Variants in DPP10 observed in about 807,000 individuals in gnomAD.
DPP10 encodes the protein inactive dipeptidyl peptidase 10.
A neutral mutation model predicts 120.9 loss-of-function variants in DPP10; 33 were observed. The observed-to-expected ratio is 0.27, with a 90% CI of 0.21 to 0.37. The LOEUF is 0.37. Ranked by LOEUF, DPP10 falls within the 10% of genes least tolerant of loss-of-function variation. The pLI, the probability that DPP10 is intolerant of heterozygous loss-of-function variation, is 1.00. For missense variants in DPP10, 816 were observed against 942.8 expected (o/e 0.87, Z 1.76); for synonymous variants, 337 against 326.1 (o/e 1.03, Z -0.36).
chr2:115,204,637 G>A (rs2055990840), intron 1 of DPP10, among the ~76,000 whole-genome samples: 1 of 152,088 alleles, frequency 6.6e-6, no homozygotes, highest in African/African-American at 2.4e-5. Flanking sequence ...TTTTGTTCCT[G>A]GCAGTAGTAA....
chr2:114,640,305 T>C (rs1220404375), intron 1 of DPP10, among the ~76,000 whole-genome samples: 1 of 151,906 alleles, frequency 6.6e-6, no homozygotes, highest in African/African-American at 2.4e-5. Context: ...GAGAAGGTCA[T>C]ACCCTATTTG....
chr2:114,724,177 A>G, intron 1 of DPP10, among the ~76,000 whole-genome samples: 1 of 152,224 alleles, frequency 6.6e-6, no homozygotes, highest in Non-Finnish European at 1.5e-5. Flanking sequence ...ATGTGACAAC[A>G]GTCACATCTT....
At chr2:114,662,318 G>T (rs1697477224) in intron 1 of DPP10, among the ~76,000 whole-genome samples, 8 of 152,198 alleles carry the variant, frequency 5.3e-5, no homozygotes, top group Admixed American at 5.2e-4. Flanking sequence ...CTCGGCACGC[G>T]GGCCTCCCTG....
chr2:114,483,267 G>A (rs1303071613), intron 1 of DPP10, among the ~76,000 whole-genome samples: 2 of 151,832 alleles, frequency 1.3e-5, no homozygotes, highest in Non-Finnish European at 2.9e-5. Flanking sequence ...TTGGCAACGG[G>A]GTGGAAGATC....
At chr2:114,812,296 T>A (rs988702382) in intron 1 of DPP10, among the ~76,000 whole-genome samples, 2 of 152,106 alleles carry the variant, frequency 1.3e-5, no homozygotes, top group African/African-American at 2.4e-5. Flanking sequence ...ACGGTGTGAA[T>A]CTTTTACTCA....
At chr2:114,806,443 T>C (rs986907003) in intron 1 of DPP10, among the ~76,000 whole-genome samples, 1 of 152,238 alleles carries the variant, frequency 6.6e-6, no homozygotes, top group Non-Finnish European at 1.5e-5. Flanking sequence ...TAAACCATTT[T>C]GATTTATTCT....
intron 1 of DPP10, among the ~76,000 whole-genome samples, chr2:114,573,864 G>A (rs1689844152): frequency 6.6e-6 from 1 of 152,218 alleles, no homozygotes; most frequent in Non-Finnish European, 1.5e-5. Context: ...GGAGTCTGCT[G>A]CAAAGGTTGC....
intron 1 of DPP10, among the ~76,000 whole-genome samples, chr2:114,694,842 A>ACTTAT: frequency 6.6e-6 from 1 of 152,016 alleles, no homozygotes; most frequent in Non-Finnish European, 1.5e-5. Flanking sequence ...TGAGCCAGGT[A>ACTTAT]AAAGGTGAAG....
At chr2:114,474,184 C>T (rs1435027158) in intron 1 of DPP10, among the ~76,000 whole-genome samples, 2 of 152,196 alleles carry the variant, frequency 1.3e-5, no homozygotes, top group African/African-American at 2.4e-5. Flanking sequence ...TCTCAAACTC[C>T]TTACCTAGTG....
At chr2:115,131,570 G>C (rs1238904941) in intron 1 of DPP10, among the ~76,000 whole-genome samples, 3 of 152,120 alleles carry the variant, frequency 2.0e-5, no homozygotes, top group Admixed American at 2.0e-4. Flanking sequence ...AGCAAAAAAA[G>C]AAAATATAGC....
At chr2:114,678,364 A>G (rs1473402104) in intron 1 of DPP10, among the ~76,000 whole-genome samples, 1 of 152,012 alleles carries the variant, frequency 6.6e-6, no homozygotes, top group African/African-American at 2.4e-5. Flanking sequence ...CTCTAACCCT[A>G]TATTTCCATA....
intron 1 of DPP10, among the ~76,000 whole-genome samples, chr2:115,239,825 T>G (rs2058184949): frequency 6.6e-6 from 1 of 152,144 alleles, no homozygotes; most frequent in Non-Finnish European, 1.5e-5. Flanking sequence ...ATTGTTCAAC[T>G]CCCACTAATG....
chr2:115,483,479 C>CTATATCTGTATG (rs3980957), intron 3 of DPP10, among the ~76,000 whole-genome samples: 34,029 of 143,948 alleles, frequency 0.24, 4,490 homozygotes, highest in Non-Finnish European at 0.3. Flanking sequence ...ATCTATCTAT[C>CTATATCTGTATG]TGTATGTGTA....
intron 1 of DPP10, among the ~76,000 whole-genome samples, chr2:115,237,941 G>A (rs2105539113): frequency 1.3e-5 from 2 of 152,300 alleles, no homozygotes; most frequent in Middle Eastern, 6.8e-3. Context: ...AGCAGCAAGT[G>A]CTGTTATAGA....
At chr2:114,934,684 TCCAG>T (rs1696326791) in intron 1 of DPP10, among the ~76,000 whole-genome samples, 1 of 151,930 alleles carries the variant, frequency 6.6e-6, no homozygotes, top group Admixed American at 6.6e-5. Flanking sequence ...CAACCCGCTC[TCCAG>T]GAACCAAGAC....
At chr2:115,357,773 A>T (rs1436022916) in intron 3 of DPP10, among the ~76,000 whole-genome samples, 5 of 152,134 alleles carry the variant, frequency 3.3e-5, no homozygotes, top group Non-Finnish European at 7.4e-5. Flanking sequence ...ACATCTAGGC[A>T]TTTCCATACA....
At chr2:115,279,813 C>T (rs1485346393) in intron 1 of DPP10, among the ~76,000 whole-genome samples, 3 of 151,580 alleles carry the variant, frequency 2.0e-5, no homozygotes, top group Admixed American at 1.3e-4. Context: ...AGATGCAGGG[C>T]ACCACGCCCA....
At chr2:114,566,305 A>G (rs953901273) in intron 1 of DPP10, among the ~76,000 whole-genome samples, 1 of 152,210 alleles carries the variant, frequency 6.6e-6, no homozygotes, top group African/African-American at 2.4e-5. Context: ...ACAGTGAAAA[A>G]CACTGTTTAA....
chr2:115,811,810 A>G lies in DPP10; in HGVS notation c.1701-2983A>G, dbSNP rs115489053. On this transcript the variant is annotated intron_variant, in intron 19 of 25. Transcript: ENST00000410059. Reference sequence around the variant, plus strand: ...AGAAAATGGGATTACCTCTGACATAAGAGCTCATATTACATAGCAATTATG... The same window carrying G: ...AGAAAATGGGATTACCTCTGACATAGGAGCTCATATTACATAGCAATTATG... Among the ~76,000 whole-genome samples the G allele has an allele frequency of 6.0e-3, 917 of 152,280 alleles. 21 individuals carry two copies. The highest frequency in any genetic ancestry group is 0.021 in the African/African-American group (877 of 41,570).
Sources: gnomAD v4.1 joint callset for allele counts (sites outside exome capture counted in the v4.1 genomes callset) on GRCh38, gnomAD v4.1.1 for gene constraint, MANE v1.5 for transcripts, NCBI Gene and HGNC (gene_info 2026-07-23, HGNC 2026-07-21) for gene names.